Variants in SCN8A observed in about 807,000 individuals in gnomAD.
SCN8A encodes sodium channel protein type 8 subunit alpha.
A neutral mutation model predicts 184.1 loss-of-function variants in SCN8A; 30 were observed. The observed-to-expected ratio is 0.16, with a 90% confidence interval of 0.12 to 0.22. The LOEUF is 0.22. SCN8A is among the 10% of genes least tolerant of loss of function. SCN8A has a pLI of 1.00. For synonymous variants in SCN8A, 852 were observed against 907.0 expected (o/e 0.94, Z 1.09); for missense variants, 1,057 against 2,498.9 (o/e 0.42, Z 12.30).
At chr12:51,729,511 T>C (rs1942207926) in intron 12 of SCN8A, among the ~76,000 whole-genome samples, 1 of 152,266 alleles carries the variant, frequency 6.6e-6, no homozygotes, top group Admixed American at 6.5e-5. Flanking sequence ...TTCCTTGTTA[T>C]TGCTGAGTGG....
At chr12:51,671,821 C>T (rs922406918) in intron 2 of SCN8A, among the ~76,000 whole-genome samples, 4 of 152,160 alleles carry the variant, frequency 2.6e-5, no homozygotes, top group African/African-American at 9.7e-5. Context: ...CATCATATGA[C>T]AATTTCTGCT....
Position 51,689,262 on chromosome 12 carries a change from G to A in SCN8A, c.706+166G>A. On this transcript the variant is annotated intron_variant, in intron 6 of 26. Coordinates refer to ENST00000627620, the MANE Select transcript of SCN8A (RefSeq NM_001330260.2). ...GGAATGGCCGTTGGGTCCTCAGGCA[G>A]TTTTCTCTGAGTGCTTGCCAGGCAT... 4.9e-6 allele frequency: 3 copies of A among 616,400 alleles called. 1 individual carries two copies. The South Asian group carries it at 6.2e-5, about 13-fold the overall frequency. 38.2% of individuals were successfully genotyped at this position (616,400 alleles called of 1,614,324 possible).
intron 16 of SCN8A, 103 bp downstream of exon 16, chr12:51,766,130 A>T: frequency 1.1e-6 from 1 of 906,144 alleles, no homozygotes; most frequent in South Asian, 1.3e-5. Flanking sequence ...ACTACCCGTC[A>T]TGTTTGTTGA....
chr12:51,644,319 C>T (rs1940515610), intron 1 of SCN8A, among the ~76,000 whole-genome samples: 1 of 152,222 alleles, frequency 6.6e-6, no homozygotes, highest in South Asian at 2.1e-4. Flanking sequence ...CACTGTGGGA[C>T]GTAGAGCAAA....
At chr12:51,622,988 A>G (rs1939995999) in intron 1 of SCN8A, among the ~76,000 whole-genome samples, 1 of 152,132 alleles carries the variant, frequency 6.6e-6, no homozygotes, top group African/African-American at 2.4e-5. Context: ...AAATTGTTCT[A>G]GCTTTGGCTT....
At chr12:51,750,255 A>T (rs949323328) in intron 13 of SCN8A, among the ~76,000 whole-genome samples, 2 of 152,158 alleles carry the variant, frequency 1.3e-5, no homozygotes, top group African/African-American at 4.8e-5. Context: ...TTCCTGGTGT[A>T]TTTCATGTAT....
chr12:51,707,865 G>A (rs1905243), intron 11 of SCN8A, among the ~76,000 whole-genome samples: 118,166 of 151,994 alleles, frequency 0.78, 47,609 homozygotes, highest in East Asian at 0.9. Flanking sequence ...CTTGATTTTT[G>A]TTTTCCCCTT....
chr12:51,755,479 C>A (rs1008760691), intron 14 of SCN8A, among the ~76,000 whole-genome samples: 1 of 152,160 alleles, frequency 6.6e-6, no homozygotes, highest in African/African-American at 2.4e-5. Flanking sequence ...TCAGCCATTT[C>A]TCAAGAAGCC....
At chr12:51,629,831 G>A (rs1483973226) in intron 1 of SCN8A, among the ~76,000 whole-genome samples, 1 of 152,148 alleles carries the variant, frequency 6.6e-6, no homozygotes, top group Non-Finnish European at 1.5e-5. Context: ...GATGACTACT[G>A]TGAGGGAGAA....
intron 1 of SCN8A, among the ~76,000 whole-genome samples, chr12:51,651,175 A>G (rs1051703585): frequency 6.6e-6 from 1 of 152,150 alleles, no homozygotes; most frequent in South Asian, 2.1e-4. Flanking sequence ...CTTTATGGCC[A>G]TCATAAACAT....
chr12:51,720,539 G>T (rs1942036270), intron 11 of SCN8A, among the ~76,000 whole-genome samples: 2 of 151,556 alleles, frequency 1.3e-5, no homozygotes, highest in South Asian at 4.2e-4. Flanking sequence ...CACCAACATG[G>T]CACATGTATA....
intron 12 of SCN8A, among the ~76,000 whole-genome samples, chr12:51,742,206 A>G (rs1422100433): frequency 6.6e-6 from 1 of 152,190 alleles, no homozygotes; most frequent in African/African-American, 2.4e-5. Context: ...CACTGTAATT[A>G]TGGTATGTGG....
Position 51,788,601 on chromosome 12 carries a change from C to A in SCN8A, c.4228-94C>A, listed in dbSNP as rs542598068. ...TGCACCCAAACCCCTGTTCTGTGTT[C>A]TCACTGAACCTAAGCCTGGCCTTTG... On this transcript the variant is annotated intron_variant, in intron 22 of 26. Coordinates refer to ENST00000627620, the MANE Select transcript of SCN8A (RefSeq NM_001330260.2). 113 of 868,750 alleles carry A rather than the reference C, an allele frequency of 1.3e-4. 1 individual carries two copies. In the East Asian group the frequency reaches 3.0e-3, roughly 23 times the overall value. The allele number at this position is 868,750 out of a possible 1,614,324, so 53.8% of individuals were successfully genotyped here.
intron 12 of SCN8A, among the ~76,000 whole-genome samples, chr12:51,733,418 T>A (rs1349571811): frequency 5.9e-5 from 9 of 152,232 alleles, no homozygotes; most frequent in Admixed American, 5.9e-4. Context: ...TTGGTAATGA[T>A]GAATGATCTT....
intron 2 of SCN8A, among the ~76,000 whole-genome samples, chr12:51,678,994 T>C (rs1024001221): frequency 6.6e-6 from 1 of 151,814 alleles, no homozygotes; most frequent in Non-Finnish European, 1.5e-5. Context: ...GAGAATGGCA[T>C]GAACCCAGGA....
intron 22 of SCN8A, among the ~76,000 whole-genome samples, chr12:51,788,350 A>ATGCT: frequency 7.2e-6 from 1 of 139,408 alleles, no homozygotes; most frequent in South Asian, 2.3e-4. Context: ...GTGGAATGGA[A>ATGCT]TGCTAAGTTC....
chr12:51,619,308 T>C (rs1939911970), intron 1 of SCN8A, among the ~76,000 whole-genome samples: 1 of 152,236 alleles, frequency 6.6e-6, no homozygotes, highest in Admixed American at 6.5e-5. Context: ...ATTTCATTAA[T>C]GAATATTCAG....
At chr12:51,726,314 G>A (rs144100436) in intron 12 of SCN8A, among the ~76,000 whole-genome samples, 248 of 152,348 alleles carry the variant, frequency 1.6e-3, no homozygotes, top group African/African-American at 5.9e-3. Flanking sequence ...GAGAAATCAT[G>A]TTGAGGCAGC....
At chr12:51,734,231 C>T (rs879585432) in intron 12 of SCN8A, among the ~76,000 whole-genome samples, 3 of 152,104 alleles carry the variant, frequency 2.0e-5, no homozygotes, top group Admixed American at 6.5e-5. Context: ...GACCCTAACC[C>T]AGTGGCGCTA....
Sources: gnomAD v4.1 joint callset for allele counts (sites outside exome capture counted in the v4.1 genomes callset) on GRCh38, gnomAD v4.1.1 for gene constraint, MANE v1.5 for transcripts, NCBI Gene and HGNC (gene_info 2026-07-23, HGNC 2026-07-21) for gene names.